MRPL45: variants seen among roughly 807,000 people sequenced by gnomAD.
The protein encoded by MRPL45 is mitochondrial ribosomal protein L45.
A neutral mutation model predicts 38.1 loss-of-function variants in MRPL45; 20 were observed. That is an observed-to-expected ratio of 0.53 (90% CI 0.37 to 0.76). The LOEUF (loss-of-function observed/expected upper bound fraction) is 0.76, where lower values mean the gene tolerates loss of function less well. MRPL45 is among the 30% of genes least tolerant of loss of function. The probability of loss-of-function intolerance (pLI) is 0.00; values close to 1 mark genes in which losing one functional copy is unlikely to be tolerated. For missense variants in MRPL45, 337 were observed against 395.6 expected (o/e 0.85, Z 1.26); for synonymous variants, 105 against 128.8 (o/e 0.82, Z 1.25).
chr17:38,297,291 A>AG (rs1217281800), intron 1 of MRPL45, 42 bp downstream of exon 1: 1 of 1,565,602 alleles, frequency 6.4e-7, no homozygotes, highest in Non-Finnish European at 8.8e-7. Context: ...GGGCTACAGG[A>AG]GAGGACAGAG....
At chr17:38,301,737 T>C (rs1464967077) in intron 3 of MRPL45, among the ~76,000 whole-genome samples, 1 of 152,154 alleles carries the variant, frequency 6.6e-6, no homozygotes, top group Non-Finnish European at 1.5e-5. Context: ...AGTTCTCTTC[T>C]AGGGGAGGAA....
At chr17:38,318,011 T>C (rs1007601205) in intron 4 of MRPL45, among the ~76,000 whole-genome samples, 14 of 150,970 alleles carry the variant, frequency 9.3e-5, no homozygotes, top group Non-Finnish European at 1.3e-4. Flanking sequence ...GTGTAAGATA[T>C]AAGGCTAAAA....
intron 4 of MRPL45, among the ~76,000 whole-genome samples, chr17:38,313,330 A>ACG (rs2037139034): frequency 1.5e-3 from 24 of 16,290 alleles, no homozygotes; most frequent in African/African-American, 5.7e-3. Flanking sequence ...ATATATATAT[A>ACG]TACATATATA....
chr17:38,320,764 G>A lies in MRPL45; in HGVS notation c.657G>A (p.Arg219=), dbSNP rs1426498124. The A allele has an allele frequency of 2.5e-6, 4 of 1,613,814 alleles. No individual in the cohort carries two copies. In the South Asian group the frequency reaches 4.4e-5, roughly 18 times the overall value. The part of the protein sequence containing the change: ...YGQITVRMHT[R]QTLAIYDRFG... ...AGATCACCGTACGCATGCACACCCG[G>A]CAGGTAGAGGCACTCGTCTGCCTTC... is the stretch of plus-strand genomic sequence containing the variant. Residue 219 remains arginine, a synonymous_variant, in exon 6 of 8, where the codon CGG becomes CGA. Transcript: ENST00000613675.
rs1046842852 is a variant in MRPL45 at position 38,313,324 on chromosome 17, A to G, written c.462-5363A>G. Among the ~76,000 whole-genome samples, 20 of 16,140 alleles carry G rather than the reference A, an allele frequency of 1.2e-3. 1 individual carries two copies. Among genetic ancestry groups the G allele is most frequent in the Non-Finnish European group, 1.8e-3 (16 of 8,918 alleles). 10.6% of individuals were successfully genotyped at this position (16,140 alleles called of 152,430 possible). On this transcript the variant is annotated intron_variant, in intron 4 of 7. Transcript: ENST00000613675. ...AAAAAAAAAAAAAATATATATATAT[A>G]TATATATACATATATATATATACGT...
At chr17:38,319,400 C>T (rs1173967202) in intron 5 of MRPL45, among the ~76,000 whole-genome samples, 1 of 151,766 alleles carries the variant, frequency 6.6e-6, no homozygotes, top group Non-Finnish European at 1.5e-5. Flanking sequence ...AACTCCCGAC[C>T]TCAGGTGATC....
At chr17:38,318,596 G>C in intron 4 of MRPL45, 91 bp from the exon 5 acceptor site, 1 of 930,002 alleles carries the variant, frequency 1.1e-6, no homozygotes, top group Non-Finnish European at 1.7e-6. Flanking sequence ...TTGTAAAAAT[G>C]AATTGTTTTC....
At chr17:38,299,892 A>G (rs1311390995) in intron 3 of MRPL45, among the ~76,000 whole-genome samples, 1 of 149,984 alleles carries the variant, frequency 6.7e-6, no homozygotes, top group African/African-American at 2.5e-5. Flanking sequence ...ATGTGCCACC[A>G]TGCCCGGCTA....
In MRPL45 at chr17:38,300,315, C is replaced by T. The variant is rs554186320; in HGVS notation, c.362+847C>T. Reference sequence around the variant, plus strand: ...ACAGGCGTGAGCCACTGCGCCCAGCCGACCTGGCTAATTTTTAAAAGAAAT... The same window carrying T: ...ACAGGCGTGAGCCACTGCGCCCAGCTGACCTGGCTAATTTTTAAAAGAAAT... On this transcript the variant is annotated intron_variant, in intron 3 of 7. Coordinates refer to ENST00000613675, the MANE Select transcript of MRPL45 (RefSeq NM_032351.6). Among the ~76,000 whole-genome samples the T allele has an allele frequency of 2.6e-4, 39 of 151,922 alleles. No homozygotes were observed. In the South Asian group the frequency reaches 5.2e-3, roughly 20 times the overall value.
chr17:38,310,638 G>T (rs1297569570), intron 4 of MRPL45, among the ~76,000 whole-genome samples: 1 of 151,498 alleles, frequency 6.6e-6, no homozygotes, highest in East Asian at 2.0e-4. Flanking sequence ...CTTGTTTTTG[G>T]TTTTTGAGAC....
intron 4 of MRPL45, among the ~76,000 whole-genome samples, chr17:38,312,854 C>A (rs549804696): frequency 3.0e-4 from 39 of 131,638 alleles, no homozygotes; most frequent in Admixed American, 9.2e-4. Flanking sequence ...AAAAAAAAAA[C>A]CCTAACTTTT....
intron 4 of MRPL45, among the ~76,000 whole-genome samples, chr17:38,309,666 C>A (rs561288450): frequency 4.6e-4 from 69 of 151,330 alleles, no homozygotes; most frequent in Middle Eastern, 3.4e-3. Flanking sequence ...GCCTTGTTGC[C>A]CAGGCTGGTC....
intron 3 of MRPL45, among the ~76,000 whole-genome samples, chr17:38,303,278 TCAAA>T (rs2037017058): frequency 6.6e-6 from 1 of 151,300 alleles, no homozygotes; most frequent in Non-Finnish European, 1.5e-5. Flanking sequence ...CTCTGTGCAT[TCAAA>T]ACATTAAATT....
At chr17:38,297,364 G>T in intron 1 of MRPL45, 115 bp downstream of exon 1, 3 of 1,013,074 alleles carry the variant, frequency 3.0e-6, no homozygotes, top group South Asian at 2.7e-5. Context: ...GTCATACCTA[G>T]GCCGGGGAAG....
intron 3 of MRPL45, among the ~76,000 whole-genome samples, chr17:38,299,868 C>G (rs2036974888): frequency 6.6e-6 from 1 of 151,490 alleles, no homozygotes; most frequent in Admixed American, 6.6e-5. Context: ...TCCTGAGTAG[C>G]TGGGATTACA....
intron 4 of MRPL45, among the ~76,000 whole-genome samples, chr17:38,312,312 C>G (rs1379891566): frequency 1.3e-5 from 2 of 152,112 alleles, no homozygotes; most frequent in East Asian, 3.9e-4. Flanking sequence ...TCCGTAAGTG[C>G]GGGGATTACA....
chr17:38,301,780 A>AT (rs1157250241), intron 3 of MRPL45, among the ~76,000 whole-genome samples: 2 of 152,084 alleles, frequency 1.3e-5, no homozygotes, highest in African/African-American at 4.8e-5. Context: ...CACACAAATA[A>AT]TTATAGGTGT....
At chr17:38,311,178 G>A (rs1290012875) in intron 4 of MRPL45, among the ~76,000 whole-genome samples, 1 of 151,966 alleles carries the variant, frequency 6.6e-6, no homozygotes, top group African/African-American at 2.4e-5. Context: ...ATTCCCCATT[G>A]CCCTCTTCCC....
chr17:38,314,253 C>T (rs1160277913), intron 4 of MRPL45, among the ~76,000 whole-genome samples: 2 of 152,050 alleles, frequency 1.3e-5, no homozygotes, highest in Non-Finnish European at 2.9e-5. Context: ...TACAGGCATG[C>T]GCCACCATGC....
Sources: gnomAD v4.1 joint callset for allele counts (sites outside exome capture counted in the v4.1 genomes callset) on GRCh38, gnomAD v4.1.1 for gene constraint, MANE v1.5 for transcripts, NCBI Gene and HGNC (gene_info 2026-07-23, HGNC 2026-07-21) for gene names.